The following SCN7A variants were observed in gnomAD, a reference collection of about 807,000 sequenced individuals.
SCN7A encodes sodium voltage-gated channel alpha subunit 7.
SCN7A carries 138 observed loss-of-function variants against 155.2 expected under a neutral mutation model. The ratio of observed to expected loss-of-function variants is 0.89; its 90% confidence interval spans 0.77 to 1.02. The LOEUF (loss-of-function observed/expected upper bound fraction) is 1.02. Ranked by LOEUF, SCN7A falls within the 50% of genes least tolerant of loss-of-function variation. The pLI, the probability that SCN7A is intolerant of heterozygous loss-of-function variation, is 0.00. For synonymous variants in SCN7A, 693 were observed against 649.0 expected, an observed-to-expected ratio of 1.07 and a Z score of -1.03; for missense variants, 2,058 against 1,986.6, an observed-to-expected ratio of 1.04 and a Z score of -0.68.
chr2:166,434,720 A>AAGAT (rs1479564533), intron 15 of SCN7A, among the ~76,000 whole-genome samples: 1 of 152,138 alleles, frequency 6.6e-6, no homozygotes, highest in Non-Finnish European at 1.5e-5. Flanking sequence ...GATATAATTT[A>AAGAT]AGATAGTCAG....
intron 11 of SCN7A, among the ~76,000 whole-genome samples, chr2:166,453,812 C>T (rs1702224494): frequency 6.6e-6 from 1 of 152,052 alleles, no homozygotes; most frequent in Non-Finnish European, 1.5e-5. Flanking sequence ...GACTGGTTTG[C>T]AAGCAGATCA....
chr2:166,463,474 T>C (rs1702457736), intron 9 of SCN7A, among the ~76,000 whole-genome samples: 1 of 152,234 alleles, frequency 6.6e-6, no homozygotes, highest in South Asian at 2.1e-4. Flanking sequence ...AGTATTGTTG[T>C]TGTCTTGTTG....
intron 11 of SCN7A, among the ~76,000 whole-genome samples, chr2:166,451,204 C>A (rs1489838546): frequency 2.6e-5 from 4 of 152,128 alleles, no homozygotes; most frequent in Non-Finnish European, 4.4e-5. Flanking sequence ...AAAGTCAGTG[C>A]TCAATTCTCT....
intron 11 of SCN7A, among the ~76,000 whole-genome samples, chr2:166,449,372 A>T (rs1192349226): frequency 6.6e-6 from 1 of 152,114 alleles, no homozygotes; most frequent in Non-Finnish European, 1.5e-5. Context: ...CCCAGCACTG[A>T]GGGAGTTAAT....
intron 2 of SCN7A, among the ~76,000 whole-genome samples, chr2:166,480,825 C>T (rs1702909130): frequency 6.6e-6 from 1 of 152,176 alleles, no homozygotes. Flanking sequence ...TAACTGGTTG[C>T]TCAGGGACTT....
At position 166,423,294 on chromosome 2, in the gene SCN7A, T is replaced by G; in HGVS notation, c.2992A>C (p.Asn998His). Residue 998 changes from asparagine to histidine, a missense_variant, in exon 19 of 26, where the codon AAT (asparagine) becomes CAT (histidine). Physicochemically the swap from Asn to His is moderately conservative, Grantham distance 68 (BLOSUM62 1). Coordinates refer to ENST00000643258, the MANE Select transcript of SCN7A (RefSeq NM_002976.4). ...ACGAAGTCCAGCCTGTACCAGCCAT[T>G]AGAGAAATAGGCCTTAAAACCATAT... ...MAYGFKAYFSNGWYRLDFVVV... is the reference protein window; with the variant it reads ...MAYGFKAYFSHGWYRLDFVVV... 2.5e-6 allele frequency: 4 copies of G among 1,610,126 alleles called. No homozygotes were observed. Among genetic ancestry groups the G allele is most frequent in the Non-Finnish European group, 3.4e-6 (4 of 1,178,670 alleles).
chr2:166,406,934 C>T (rs1392273873), intron 25 of SCN7A, among the ~76,000 whole-genome samples: 1 of 151,944 alleles, frequency 6.6e-6, no homozygotes, highest in Non-Finnish European at 1.5e-5. Context: ...TTACAGATGA[C>T]CTGATTCTAT....
intron 15 of SCN7A, among the ~76,000 whole-genome samples, chr2:166,433,063 T>G (rs563008054): frequency 6.6e-6 from 1 of 152,210 alleles, no homozygotes; most frequent in Non-Finnish European, 1.5e-5. Context: ...AAAGAACACT[T>G]AACCCATTTA....
intron 10 of SCN7A, 134 bp downstream of exon 10, chr2:166,462,255 T>C (rs574961354): frequency 1.3e-5 from 12 of 926,450 alleles, no homozygotes; most frequent in Non-Finnish European, 1.7e-5. Flanking sequence ...TCAGTAATTC[T>C]AGTTCTCTTT....
At chr2:166,489,300 G>T (rs924796625) in intron 1 of SCN7A, among the ~76,000 whole-genome samples, 1 of 152,170 alleles carries the variant, frequency 6.6e-6, no homozygotes, top group African/African-American at 2.4e-5. Context: ...GTATACGTTA[G>T]CATGTGCATA....
intron 13 of SCN7A, among the ~76,000 whole-genome samples, chr2:166,444,049 T>C (rs1164008700): frequency 6.6e-6 from 1 of 152,208 alleles, no homozygotes; most frequent in African/African-American, 2.4e-5. Flanking sequence ...CTATGGAAGC[T>C]GTCCTTTAAA....
Position 166,406,470 on chromosome 2 carries a change from TGAG to T in SCN7A, c.4156_4158del (p.Leu1386del). 6.2e-7 allele frequency: 1 copy of T among 1,612,738 alleles called. No individual in the cohort carries two copies. Among genetic ancestry groups the T allele is most frequent in the Non-Finnish European group, 8.5e-7 (1 of 1,179,282 alleles). ...GCATAGATGAACATGACCAGGAAGA[TGAG>T]AAGAATGATGTTCAATAATGCTGGG... On this transcript the variant is annotated inframe_deletion, in exon 26 of 26. Coordinates refer to ENST00000643258, the MANE Select transcript of SCN7A (RefSeq NM_002976.4).
Position 166,476,409 on chromosome 2 carries a change from C to T in SCN7A, c.234+1054G>A, listed in dbSNP as rs181944119. 5.3e-5 allele frequency among the ~76,000 whole-genome samples: 8 copies of T among 152,104 alleles called. 1 individual carries two copies. Among genetic ancestry groups the T allele is most frequent in the African/African-American group, 1.9e-4 (8 of 41,556 alleles). ...CTATGAAGCTAATCATCACCTCCCT[C>T]GAATTTGATATTCTTTCTAGTTATT... On this transcript the variant is annotated intron_variant, in intron 3 of 25. Transcript: ENST00000643258.
intron 15 of SCN7A, among the ~76,000 whole-genome samples, chr2:166,436,783 G>A (rs1026866194): frequency 7.9e-5 from 12 of 152,184 alleles, no homozygotes; most frequent in Non-Finnish European, 1.3e-4. Flanking sequence ...GTTGAGAACT[G>A]GAGCAAAAGT....
At chr2:166,437,067 A>C (rs1326606937) in intron 15 of SCN7A, among the ~76,000 whole-genome samples, 1 of 152,246 alleles carries the variant, frequency 6.6e-6, no homozygotes, top group Non-Finnish European at 1.5e-5. Flanking sequence ...TCACCAAGGC[A>C]ATGGGGATAA....
At chr2:166,413,830 C>T (rs554667424) in intron 21 of SCN7A, among the ~76,000 whole-genome samples, 1 of 149,814 alleles carries the variant, frequency 6.7e-6, no homozygotes, top group Non-Finnish European at 1.5e-5. Flanking sequence ...TTCCTGCCCT[C>T]AAACATTGGA....
At chr2:166,421,647 T>C (rs1392860134) in intron 19 of SCN7A, among the ~76,000 whole-genome samples, 1 of 151,980 alleles carries the variant, frequency 6.6e-6, no homozygotes, top group African/African-American at 2.4e-5. Context: ...TTACTTGTAA[T>C]ACAGTAATCA....
Position 166,405,633 on chromosome 2 carries a change from C to T in SCN7A, c.4996G>A (p.Gly1666Ser), listed in dbSNP as rs138133378. 257 of 1,607,918 alleles carry T rather than the reference C, an allele frequency of 1.6e-4. 2 individuals are homozygous for T. In the East Asian group the frequency reaches 5.4e-3, roughly 34 times the overall value. ...TCCTTAGCTTTGTCAAAATAGGCACCTTCTTTAGTAGCATGAACATCTCTG... is the reference window on the plus strand; with the variant it reads ...TCCTTAGCTTTGTCAAAATAGGCACTTTCTTTAGTAGCATGAACATCTCTG... The part of the protein sequence containing the change: ...GDRDVHATKE[G>S]AYFDKAKEKS... The change falls in exon 26 of 26, where the codon GGT becomes AGT. Residue 1666 changes from glycine (G) to serine (S), a missense_variant. Transcript: ENST00000643258.
At chr2:166,411,614 T>C (rs769833554) in intron 23 of SCN7A, among the ~76,000 whole-genome samples, 18 of 152,010 alleles carry the variant, frequency 1.2e-4, no homozygotes, top group South Asian at 2.1e-4. Context: ...GAAAAATAAA[T>C]GTATGCTTGA....
Sources: allele counts gnomAD v4.1 joint callset (sites outside exome capture counted in the v4.1 genomes callset), GRCh38; gene constraint gnomAD v4.1.1; transcripts MANE v1.5; gene names NCBI Gene and HGNC (gene_info 2026-07-23, HGNC 2026-07-21).